The following ST8SIA6 variants were observed in gnomAD, a reference collection of about 807,000 sequenced individuals.
The protein encoded by ST8SIA6 is ST8 alpha-N-acetyl-neuraminide alpha-2,8-sialyltransferase 6, also known as alpha-2,8-sialyltransferase 8F.
Under a neutral mutation model 33.6 loss-of-function variants are expected in ST8SIA6, and 39 were observed. That is an observed-to-expected ratio of 1.16 (90% CI 0.90 to 1.52). The LOEUF (loss-of-function observed/expected upper bound fraction) is 1.52, where lower values mean the gene tolerates loss of function less well. ST8SIA6 is among the 40% of genes most tolerant of loss of function. The pLI, the probability that ST8SIA6 is intolerant of heterozygous loss-of-function variation, is 0.00. For synonymous variants in ST8SIA6, 172 were observed against 167.2 expected, an observed-to-expected ratio of 1.03 and a Z score of -0.22; for missense variants, 441 against 443.8, an observed-to-expected ratio of 0.99 and a Z score of 0.06.
chr10:17,329,837 C>G (rs2131583241), intron 5 of ST8SIA6, among the ~76,000 whole-genome samples: 1 of 152,276 alleles, frequency 6.6e-6, no homozygotes, highest in Non-Finnish European at 1.5e-5. Flanking sequence ...CGCTCCACTG[C>G]CTGCTCATTG....
At chr10:17,335,527 G>A (rs1848471506) in intron 4 of ST8SIA6, among the ~76,000 whole-genome samples, 1 of 152,132 alleles carries the variant, frequency 6.6e-6, no homozygotes. Flanking sequence ...CTTCTTATCA[G>A]TTAAATATGT....
intron 4 of ST8SIA6, among the ~76,000 whole-genome samples, chr10:17,336,539 C>T (rs982585470): frequency 8.6e-5 from 13 of 151,964 alleles, no homozygotes; most frequent in Non-Finnish European, 1.3e-4. Flanking sequence ...TGATTTTTCA[C>T]CACAGATTCG....
chr10:17,451,813 A>G (rs889121787), intron 2 of ST8SIA6, among the ~76,000 whole-genome samples: 3 of 152,246 alleles, frequency 2.0e-5, no homozygotes, highest in African/African-American at 7.2e-5. Flanking sequence ...GATAAAGGGG[A>G]CATAAAATAA....
chr10:17,409,589 T>G lies in ST8SIA6; in HGVS notation c.201-18969A>C, dbSNP rs570719621. 2.6e-5 allele frequency: 4 copies of G among 151,080 alleles called. No homozygotes were observed. The East Asian group carries it at 7.8e-4, about 29-fold the overall frequency. 9.4% of individuals were successfully genotyped at this position (151,080 alleles called of 1,614,324 possible). A position where few individuals can be genotyped will look rare whatever the true frequency, so the allele number is the denominator to read the frequency against. On this transcript the variant is annotated intron_variant, in intron 2 of 7. Coordinates refer to ENST00000377602, the MANE Select transcript of ST8SIA6 (RefSeq NM_001004470.3). ...CTATACCAAAAAAAAAAAGTGAACC[T>G]AGGAGTATGAGGCTGCAGTAAGCTG... is the stretch of plus-strand genomic sequence containing the variant.
chr10:17,418,541 A>T (rs1024906843), intron 2 of ST8SIA6, among the ~76,000 whole-genome samples: 1 of 152,220 alleles, frequency 6.6e-6, no homozygotes, highest in African/African-American at 2.4e-5. Context: ...CATTCAGTTG[A>T]TAGATGACAA....
intron 2 of ST8SIA6, among the ~76,000 whole-genome samples, chr10:17,411,022 T>A (rs1160826486): frequency 6.6e-6 from 1 of 152,110 alleles, no homozygotes; most frequent in Non-Finnish European, 1.5e-5. Context: ...TACAGATGAA[T>A]TTCAACAAGG....
chr10:17,341,981 A>G (rs1017549352), intron 4 of ST8SIA6, among the ~76,000 whole-genome samples: 1 of 151,780 alleles, frequency 6.6e-6, no homozygotes, highest in African/African-American at 2.4e-5. Context: ...GAGGGCACTC[A>G]CCAGAACTTA....
At chr10:17,379,464 A>C (rs1171776907) in intron 3 of ST8SIA6, among the ~76,000 whole-genome samples, 1 of 152,196 alleles carries the variant, frequency 6.6e-6, no homozygotes, top group Non-Finnish European at 1.5e-5. Flanking sequence ...AAAATCACTA[A>C]GGAAAACTCA....
chr10:17,448,896 A>T (rs759651828), intron 2 of ST8SIA6, among the ~76,000 whole-genome samples: 4 of 150,624 alleles, frequency 2.7e-5, no homozygotes, highest in Non-Finnish European at 5.9e-5. Flanking sequence ...CTGGGATTAC[A>T]GGCGTGAGCC....
At chr10:17,439,080 T>C (rs980142732) in intron 2 of ST8SIA6, among the ~76,000 whole-genome samples, 10 of 152,230 alleles carry the variant, frequency 6.6e-5, no homozygotes, top group African/African-American at 2.4e-4. Flanking sequence ...TACAGCTTTT[T>C]ACAGTTTTAC....
chr10:17,391,818 C>G (rs1188979983), intron 2 of ST8SIA6, among the ~76,000 whole-genome samples: 2 of 152,154 alleles, frequency 1.3e-5, no homozygotes, highest in African/African-American at 4.8e-5. Flanking sequence ...TGTTATTTAA[C>G]CCACTCCAGG....
In ST8SIA6 at chr10:17,326,996, C is replaced by A. The variant is rs1348099350; in HGVS notation, c.635+18G>T. 1 of 1,555,380 alleles carries A rather than the reference C, an allele frequency of 6.4e-7. No individual in the cohort carries two copies. Among genetic ancestry groups the A allele is most frequent in the South Asian group, 1.2e-5 (1 of 84,654 alleles). On this transcript the variant is annotated intron_variant, in intron 6 of 7. Transcript: ENST00000377602. ...AACTGATCTATTGTTTCAAAGAAAC[C>A]AATTTGTCAGGTCTTACCTAAAAAC...
chr10:17,434,661 C>T (rs980136579), intron 2 of ST8SIA6, among the ~76,000 whole-genome samples: 3 of 152,182 alleles, frequency 2.0e-5, no homozygotes, highest in South Asian at 2.1e-4. Flanking sequence ...CCTGAAAGTA[C>T]AGTGCAATCC....
At chr10:17,371,782 T>TA (rs202019274) in intron 3 of ST8SIA6, among the ~76,000 whole-genome samples, 7 of 89,530 alleles carry the variant, frequency 7.8e-5, no homozygotes, top group Non-Finnish European at 1.1e-4. Context: ...CAAGACTCCA[T>TA]TAAAAAAAAA....
At chr10:17,420,821 C>T (rs953776864) in intron 2 of ST8SIA6, among the ~76,000 whole-genome samples, 8 of 152,208 alleles carry the variant, frequency 5.3e-5, no homozygotes, top group Non-Finnish European at 1.0e-4. Context: ...TTAATTGACT[C>T]ACAGTTCCAC....
chr10:17,437,770 ACC>A (rs1852332514), intron 2 of ST8SIA6, among the ~76,000 whole-genome samples: 1 of 136,588 alleles, frequency 7.3e-6, no homozygotes, highest in Admixed American at 7.7e-5. Flanking sequence ...TTCTTCTGTC[ACC>A]CAGGCTGGAG....
chr10:17,392,010 A>G (rs1380980863), intron 2 of ST8SIA6, among the ~76,000 whole-genome samples: 1 of 152,224 alleles, frequency 6.6e-6, no homozygotes, highest in African/African-American at 2.4e-5. Context: ...TGCAACTCTA[A>G]CTTGCTGTTA....
At chr10:17,335,010 A>G (rs980055898) in intron 4 of ST8SIA6, among the ~76,000 whole-genome samples, 12 of 152,178 alleles carry the variant, frequency 7.9e-5, no homozygotes, top group Admixed American at 3.3e-4. Context: ...ATGTAAATCT[A>G]TTTTCCTTGT....
intron 3 of ST8SIA6, 136 bp from the exon 4 acceptor site, chr10:17,359,736 A>T: frequency 2.0e-6 from 1 of 487,912 alleles, no homozygotes; most frequent in Non-Finnish European, 3.6e-6. Context: ...AATTAAAATC[A>T]TACTCATTTC....
Sources: allele counts gnomAD v4.1 joint callset (sites outside exome capture counted in the v4.1 genomes callset), GRCh38; gene constraint gnomAD v4.1.1; transcripts MANE v1.5; gene names NCBI Gene and HGNC (gene_info 2026-07-23, HGNC 2026-07-21).